Variants in PHIP observed in about 807,000 individuals in gnomAD.
PHIP encodes the protein PHIP subunit of CUL4-Ring ligase complex, also known as PH-interacting protein.
PHIP carries 54 observed loss-of-function variants against 236.8 expected under a neutral mutation model. That is an observed-to-expected ratio of 0.23 (90% CI 0.18 to 0.29). The LOEUF is 0.29. Among genes scored for constraint, PHIP ranks in the 10% least tolerant of loss-of-function variants. The probability of loss-of-function intolerance (pLI) is 1.00; values close to 1 mark genes in which losing one functional copy is unlikely to be tolerated. For synonymous variants in PHIP, 756 were observed against 718.9 expected (o/e 1.05, Z -0.83); for missense variants, 1,370 against 2,190.8 (o/e 0.63, Z 7.48).
intron 7 of PHIP, among the ~76,000 whole-genome samples, chr6:79,035,542 A>T (rs1472952092): frequency 1.3e-5 from 2 of 152,188 alleles, no homozygotes; most frequent in Middle Eastern, 3.2e-3. Flanking sequence ...TTAACTAAAA[A>T]TATCTTAGAG....
chr6:78,974,105 A>T (rs1372146667), intron 24 of PHIP, among the ~76,000 whole-genome samples: 4 of 152,060 alleles, frequency 2.6e-5, no homozygotes, highest in Admixed American at 6.6e-5. Context: ...ACCTATTCCA[A>T]AATTGACCAC....
In PHIP at chr6:78,946,456, A is replaced by G; in HGVS notation, c.4371-196T>C. 2.1e-6 allele frequency: 3 copies of G among 1,403,398 alleles called. No homozygotes were observed. In the South Asian group the frequency reaches 5.0e-5, roughly 24 times the overall value. 86.9% of individuals were successfully genotyped at this position (1,403,398 alleles called of 1,614,324 possible). On this transcript the variant is annotated intron_variant, in intron 37 of 39. Coordinates refer to ENST00000275034, the MANE Select transcript of PHIP (RefSeq NM_017934.7). ...GGATCGCTGTAAATGCTAAAGTTAT[A>G]TGACGGAAAGCATGATGCCATCACT...
At chr6:78,976,874 C>G (rs1286777271) in intron 24 of PHIP, among the ~76,000 whole-genome samples, 2 of 92,620 alleles carry the variant, frequency 2.2e-5, no homozygotes, top group African/African-American at 8.4e-5. Context: ...AGTCAGGAAA[C>G]AACAGGTGCT....
At position 78,979,115 on chromosome 6, in the gene PHIP, G is replaced by A. The variant is rs145094751; in HGVS notation, c.2770-404C>T. On this transcript the variant is annotated intron_variant, in intron 23 of 39. Coordinates refer to ENST00000275034, the MANE Select transcript of PHIP (RefSeq NM_017934.7). ...TTTTATAAGAGACTTGAACATCCCT[G>A]GATTTTGTTATCTGCAGGGGTCTTG... Among the ~76,000 whole-genome samples the A allele has an allele frequency of 6.3e-4, 96 of 152,120 alleles. 1 individual carries two copies. In the South Asian group the frequency reaches 8.1e-3, roughly 13 times the overall value.
intron 4 of PHIP, among the ~76,000 whole-genome samples, 197 bp downstream of exon 4, chr6:79,077,250 GC>G (rs919348568): frequency 1.5e-4 from 23 of 151,948 alleles, no homozygotes; most frequent in African/African-American, 5.3e-4. Context: ...ATTGTCCGCA[GC>G]CCCTGCGGCC....
At chr6:79,016,500 T>G in intron 13 of PHIP, 44 bp downstream of exon 13, 1 of 1,263,824 alleles carries the variant, frequency 7.9e-7, no homozygotes, top group Admixed American at 1.8e-5. Flanking sequence ...TAACATACTT[T>G]AAAAAATCAA....
intron 29 of PHIP, 135 bp downstream of exon 29, chr6:78,965,568 T>C (rs1387621313): frequency 1.7e-6 from 1 of 600,902 alleles, no homozygotes; most frequent in Non-Finnish European, 3.0e-6. Flanking sequence ...AGGTGTACAA[T>C]AATAAATATT....
At chr6:78,991,826 G>A (rs1446644759) in intron 19 of PHIP, among the ~76,000 whole-genome samples, 1 of 151,192 alleles carries the variant, frequency 6.6e-6, no homozygotes, top group South Asian at 2.1e-4. Context: ...GAAAAGAACA[G>A]GCTTGGATTT....
intron 35 of PHIP, among the ~76,000 whole-genome samples, chr6:78,953,097 T>C (rs1442712622): frequency 1.3e-5 from 2 of 152,166 alleles, no homozygotes; most frequent in African/African-American, 4.8e-5. Context: ...TTTTCCATAA[T>C]GGATTTCTAC....
chr6:79,055,010 T>C (rs1022885818), intron 6 of PHIP, among the ~76,000 whole-genome samples: 2 of 152,040 alleles, frequency 1.3e-5, no homozygotes, highest in Non-Finnish European at 2.9e-5. Flanking sequence ...AAGCTACTTT[T>C]CAAGGCAAAG....
chr6:79,078,054 C>T lies in PHIP; in HGVS notation c.15G>A (p.Arg5=), dbSNP rs1774282594. 1.2e-6 allele frequency: 2 copies of T among 1,609,486 alleles called. No individual in the cohort carries two copies. Among genetic ancestry groups the T allele is most frequent in the African/African-American group, 2.7e-5 (2 of 74,800 alleles). Residue 5 remains arginine (R), a synonymous_variant, in exon 1 of 40, where the codon AGG becomes AGA. Transcript: ENST00000275034. MSCE[R]KGLSELRSEL... is the part of the protein sequence containing the mutation. ...CCGATCGCAGCTCCGAGAGGCCTTT[C>T]CTCTCACAAGACATGTTTATGGGTC...
chr6:78,970,710 C>G, intron 25 of PHIP, 71 bp downstream of exon 25: 1 of 979,280 alleles, frequency 1.0e-6, no homozygotes. Context: ...TAATAGTAAC[C>G]TTTGATACAA....
intron 35 of PHIP, among the ~76,000 whole-genome samples, chr6:78,948,302 A>G (rs76959497): frequency 0.016 from 2,362 of 152,246 alleles, 29 homozygotes; most frequent in Non-Finnish European, 0.022. Flanking sequence ...ACGAATGTAA[A>G]TAGTTGTCAC....
At chr6:79,036,028 A>C (rs1771913274) in intron 7 of PHIP, among the ~76,000 whole-genome samples, 1 of 152,184 alleles carries the variant, frequency 6.6e-6, no homozygotes, top group Admixed American at 6.5e-5. Context: ...CATTACGGTA[A>C]GGAATATAAG....
chr6:78,950,003 A>C (rs1016544942), intron 35 of PHIP, among the ~76,000 whole-genome samples: 1 of 152,068 alleles, frequency 6.6e-6, no homozygotes, highest in Non-Finnish European at 1.5e-5. Flanking sequence ...ACTCGAGTAT[A>C]ATAAACTTTT....
intron 23 of PHIP, among the ~76,000 whole-genome samples, chr6:78,980,212 C>T (rs956066731): frequency 6.6e-6 from 1 of 151,738 alleles, no homozygotes; most frequent in Non-Finnish European, 1.5e-5. Context: ...TATGTATTGT[C>T]TATAAATGCT....
chr6:79,039,694 A>G (rs936251921), intron 7 of PHIP, among the ~76,000 whole-genome samples: 12 of 152,076 alleles, frequency 7.9e-5, no homozygotes, highest in African/African-American at 2.9e-4. Flanking sequence ...TATGTTTCTG[A>G]AAAGGGGGGA....
At chr6:79,059,087 A>T (rs1773223243) in intron 6 of PHIP, among the ~76,000 whole-genome samples, 1 of 152,102 alleles carries the variant, frequency 6.6e-6, no homozygotes, top group African/African-American at 2.4e-5. Context: ...ATCATAGATG[A>T]TTACCCACCA....
At chr6:78,984,150 C>CGA (rs1262488425) in intron 22 of PHIP, among the ~76,000 whole-genome samples, 2 of 152,140 alleles carry the variant, frequency 1.3e-5, no homozygotes, top group Non-Finnish European at 2.9e-5. Flanking sequence ...CTACCCCTCT[C>CGA]CACTGTCCAA....
Sources: allele counts gnomAD v4.1 joint callset (sites outside exome capture counted in the v4.1 genomes callset), GRCh38; gene constraint gnomAD v4.1.1; transcripts MANE v1.5; gene names NCBI Gene and HGNC (gene_info 2026-07-23, HGNC 2026-07-21).